Variants in KIAA0930 observed in about 807,000 individuals in gnomAD.
KIAA0930 encodes uncharacterized protein KIAA0930.
KIAA0930 carries 24 observed loss-of-function variants against 43.9 expected under a neutral mutation model. The ratio of observed to expected loss-of-function variants is 0.55; its 90% CI spans 0.40 to 0.77. The LOEUF (loss-of-function observed/expected upper bound fraction) is 0.77. Among genes scored for constraint, KIAA0930 ranks in the 30% least tolerant of loss-of-function variants. The probability of loss-of-function intolerance (pLI) is 0.00; values close to 1 mark genes in which losing one functional copy is unlikely to be tolerated. For synonymous variants in KIAA0930, 259 were observed against 216.4 expected (o/e 1.20, Z -1.73); for missense variants, 461 against 574.2 (o/e 0.80, Z 2.02).
At chr22:45,231,333 T>A (rs914918467) in intron 1 of KIAA0930, among the ~76,000 whole-genome samples, 15 of 152,160 alleles carry the variant, frequency 9.9e-5, no homozygotes, top group African/African-American at 3.4e-4. Context: ...AAATTATACT[T>A]TTCTCTCTTC....
At chr22:45,210,912 C>T (rs2083687988) in intron 2 of KIAA0930, among the ~76,000 whole-genome samples, 2 of 152,326 alleles carry the variant, frequency 1.3e-5, no homozygotes, top group Non-Finnish European at 2.9e-5. Flanking sequence ...CCACTGGCTG[C>T]ACCCACGTCT....
chr22:45,230,871 C>T (rs1192019303), intron 1 of KIAA0930, among the ~76,000 whole-genome samples: 7 of 151,928 alleles, frequency 4.6e-5, no homozygotes, highest in African/African-American at 7.3e-5. Flanking sequence ...TGAGCCACGT[C>T]GCCCAGCCCA....
chr22:45,214,226 TCA>T (rs1025790250), intron 1 of KIAA0930, among the ~76,000 whole-genome samples: 2 of 152,032 alleles, frequency 1.3e-5, no homozygotes, highest in Non-Finnish European at 2.9e-5. Context: ...TGCCAGATTC[TCA>T]CAGAGTTATA....
chr22:45,226,500 C>T (rs964138286), intron 1 of KIAA0930: 37 of 346,328 alleles, frequency 1.1e-4, no homozygotes, highest in African/African-American at 7.3e-4. Context: ...CAACAATTCC[C>T]ACAAAGCCCC....
chr22:45,197,695 C>A, intron 9 of KIAA0930, 95 bp downstream of exon 9: 1 of 1,341,450 alleles, frequency 7.5e-7, no homozygotes, highest in South Asian at 1.3e-5. Context: ...CAGGACAGGG[C>A]GGGATGACTC....
chr22:45,211,403 A>G, intron 2 of KIAA0930: 1 of 399,170 alleles, frequency 2.5e-6, no homozygotes, highest in Non-Finnish European at 4.4e-6. Context: ...TAGGCGAATC[A>G]CTTCATCTCC....
intron 1 of KIAA0930, chr22:45,212,370 C>G (rs761562806): frequency 6.3e-6 from 10 of 1,595,082 alleles, no homozygotes; most frequent in South Asian, 1.1e-5. Flanking sequence ...CTGAGCCTGA[C>G]TCCAGCCTGG....
At position 45,228,819 on chromosome 22, in the gene KIAA0930, C is replaced by A. The variant is rs1334661464; in HGVS notation, c.64+11821G>T. Among the ~76,000 whole-genome samples, 3 of 118,242 alleles carry A rather than the reference C, an allele frequency of 2.5e-5. 1 individual carries two copies. Among genetic ancestry groups the A allele is most frequent in the African/African-American group, 1.1e-4 (3 of 26,188 alleles). The allele number at this position is 118,242 out of a possible 152,430, so 77.6% of individuals were successfully genotyped here. A position where few individuals can be genotyped will look rare whatever the true frequency, so the allele number is the denominator to read the frequency against. On this transcript the variant is annotated intron_variant, in intron 1 of 9. Coordinates refer to ENST00000336156, the MANE Select transcript of KIAA0930 (RefSeq NM_001009880.2). ...CTCACCTGAGAGATCCCTCTCCACC[C>A]CCGCCATCACCACTCACCCGAAAGA...
At chr22:45,200,410 C>T (rs552693525) in intron 7 of KIAA0930, among the ~76,000 whole-genome samples, 1 of 152,296 alleles carries the variant, frequency 6.6e-6, no homozygotes, top group South Asian at 2.1e-4. Context: ...TCTGAGCCTC[C>T]AGCTCCGTGA....
intron 2 of KIAA0930, 99 bp from the exon 3 acceptor site, chr22:45,206,011 A>C (rs1252471333): frequency 6.5e-7 from 1 of 1,535,750 alleles, no homozygotes; most frequent in Admixed American, 2.0e-5. Context: ...AAGGACTCCA[A>C]TTCTTTTTTC....
Position 45,205,766 on chromosome 22 carries a change from C to T in KIAA0930, c.336+27G>A, listed in dbSNP as rs747462463. ...GGTCAGCCATCCCACAGGGCCAATC[C>T]GCAGCCCCACCCATCCCACCCCATA... On this transcript the variant is annotated intron_variant, in intron 3 of 9. Coordinates refer to ENST00000336156, the MANE Select transcript of KIAA0930 (RefSeq NM_001009880.2). 1.8e-5 allele frequency: 28 copies of T among 1,580,842 alleles called. No individual in the cohort carries two copies. The Admixed American group carries it at 2.8e-4, about 16-fold the overall frequency.
intron 1 of KIAA0930, among the ~76,000 whole-genome samples, chr22:45,236,616 TGA>T (rs2147769412): frequency 6.6e-6 from 1 of 152,190 alleles, no homozygotes; most frequent in African/African-American, 2.4e-5. Flanking sequence ...CTCAGCACCC[TGA>T]GGACGGGTCT....
At chr22:45,230,868 C>T (rs1488652903) in intron 1 of KIAA0930, among the ~76,000 whole-genome samples, 5 of 152,042 alleles carry the variant, frequency 3.3e-5, no homozygotes, top group South Asian at 2.1e-4. Flanking sequence ...GCGTGAGCCA[C>T]GTCGCCCAGC....
chr22:45,224,400 G>A (rs2083785836), intron 1 of KIAA0930, among the ~76,000 whole-genome samples: 1 of 152,208 alleles, frequency 6.6e-6, no homozygotes, highest in Admixed American at 6.5e-5. Context: ...ACCCAGGGCT[G>A]CCTGTGTGCC....
chr22:45,216,961 C>A (rs1349051809), intron 1 of KIAA0930, among the ~76,000 whole-genome samples: 1 of 152,200 alleles, frequency 6.6e-6, no homozygotes, highest in Non-Finnish European at 1.5e-5. Flanking sequence ...TTAGTCAGTA[C>A]CGACCCACTG....
At chr22:45,227,377 A>T (rs1013503493) in intron 1 of KIAA0930, among the ~76,000 whole-genome samples, 1 of 152,064 alleles carries the variant, frequency 6.6e-6, no homozygotes, top group East Asian at 1.9e-4. Flanking sequence ...GCATTGTGAA[A>T]ACCAGGGGGC....
At chr22:45,218,042 G>T (rs1359298745) in intron 1 of KIAA0930, among the ~76,000 whole-genome samples, 5 of 152,134 alleles carry the variant, frequency 3.3e-5, no homozygotes, top group African/African-American at 9.7e-5. Context: ...TCTCCTCCTG[G>T]TTCTGCACGA....
At chr22:45,217,275 C>T (rs1291769384) in intron 1 of KIAA0930, among the ~76,000 whole-genome samples, 4 of 141,464 alleles carry the variant, frequency 2.8e-5, no homozygotes, top group East Asian at 2.2e-4. Flanking sequence ...GCAGAAGAAT[C>T]GCTTGAACCC....
At chr22:45,224,311 T>C (rs74729415) in intron 1 of KIAA0930, among the ~76,000 whole-genome samples, 3,082 of 152,162 alleles carry the variant, frequency 0.02, 102 homozygotes, top group African/African-American at 0.07. Context: ...ATCCCGCAAA[T>C]AAAACAAAGA....
Sources: allele counts gnomAD v4.1 joint callset (sites outside exome capture counted in the v4.1 genomes callset), GRCh38; gene constraint gnomAD v4.1.1; transcripts MANE v1.5; gene names NCBI Gene and HGNC (gene_info 2026-07-23, HGNC 2026-07-21).